SSBP3: variants seen among roughly 807,000 people sequenced by gnomAD.
SSBP3 encodes single stranded DNA binding protein 3.
SSBP3 carries 5 observed loss-of-function variants against 69.6 expected under a neutral mutation model. The observed-to-expected ratio is 0.07, with a 90% CI of 0.04 to 0.15. The LOEUF (loss-of-function observed/expected upper bound fraction) is 0.15. Among genes scored for constraint, SSBP3 ranks in the 10% least tolerant of loss-of-function variants. The probability of loss-of-function intolerance (pLI) is 1.00; values close to 1 mark genes in which losing one functional copy is unlikely to be tolerated. For missense variants in SSBP3, 312 were observed against 534.0 expected (o/e 0.58, Z 4.10); for synonymous variants, 196 against 193.4 (o/e 1.01, Z -0.11).
intron 4 of SSBP3, among the ~76,000 whole-genome samples, chr1:54,371,106 C>T (rs376280780): frequency 9.9e-5 from 15 of 152,280 alleles, no homozygotes; most frequent in South Asian, 2.1e-4. Context: ...TGAAGGGCCA[C>T]GAGAAAGGTC....
chr1:54,240,087 T>TGTGCGCGC (rs1159547661), intron 13 of SSBP3, among the ~76,000 whole-genome samples: 2 of 42,342 alleles, frequency 4.7e-5, no homozygotes, highest in Admixed American at 2.5e-4. Flanking sequence ...TGTGTGTGTG[T>TGTGCGCGC]GCGCGCGCGC....
chr1:54,312,936 C>T (rs1300056152), intron 4 of SSBP3, among the ~76,000 whole-genome samples: 2 of 151,580 alleles, frequency 1.3e-5, no homozygotes, highest in Admixed American at 1.3e-4. Context: ...GGAGGGAGGC[C>T]AGGAGGGGGT....
intron 4 of SSBP3, among the ~76,000 whole-genome samples, chr1:54,327,217 AAAGGAAGGAAGG>A (rs55892071): frequency 0.038 from 5,141 of 134,124 alleles, 115 homozygotes; most frequent in Middle Eastern, 0.044. Flanking sequence ...AAGAGAGGGA[AAAGGAAGGAAGG>A]AAGGAAGGAA....
Position 54,346,818 on chromosome 1 carries a change from G to GA in SSBP3, c.276+55042dup, listed in dbSNP as rs113297349. Among the ~76,000 whole-genome samples the GA allele has an allele frequency of 8.6e-3, 1,142 of 133,384 alleles. 2 individuals are homozygous for GA. The highest frequency in any genetic ancestry group is 0.022 in the African/African-American group (797 of 36,346). The allele number at this position is 133,384 out of a possible 152,430, so 87.5% of individuals were successfully genotyped here. ...CAATAGAGTGAGACTCCATCTCAAG[G>GA]AAAAAAAAAAAAAAATAGAAATACA... On this transcript the variant is annotated intron_variant, in intron 4 of 17. Coordinates refer to ENST00000610401, the Ensembl canonical transcript of SSBP3.
At chr1:54,259,182 G>A (rs1644975483) in intron 5 of SSBP3, among the ~76,000 whole-genome samples, 1 of 150,286 alleles carries the variant, frequency 6.7e-6, no homozygotes, top group Admixed American at 6.7e-5. Context: ...CGCCCCAGAA[G>A]ACATGGGCAG....
At chr1:54,234,158 TA>T (rs953848940) in intron 14 of SSBP3, among the ~76,000 whole-genome samples, 2 of 151,392 alleles carry the variant, frequency 1.3e-5, no homozygotes, top group Admixed American at 1.3e-4. Flanking sequence ...GCATGCTCGT[TA>T]AGAGTCGTCA....
chr1:54,229,998 G>A (rs998234766), intron 14 of SSBP3, among the ~76,000 whole-genome samples: 1 of 152,230 alleles, frequency 6.6e-6, no homozygotes, highest in Non-Finnish European at 1.5e-5. Flanking sequence ...ACAAAATTGA[G>A]GGGTAAAATC....
At chr1:54,382,081 CT>C (rs1388129991) in intron 4 of SSBP3, among the ~76,000 whole-genome samples, 2 of 152,206 alleles carry the variant, frequency 1.3e-5, no homozygotes, top group African/African-American at 2.4e-5. Context: ...GTAATCCCAG[CT>C]TCTCTGGAGG....
In SSBP3 at chr1:54,242,355, A is replaced by C. The variant is rs1002951627; in HGVS notation, c.717-143T>G. On this transcript the variant is annotated intron_variant, in intron 10 of 17. Coordinates refer to ENST00000610401, the Ensembl canonical transcript of SSBP3. ...CCTGCGGTTTAGAGCCTTCTGGCTC[A>C]GGGCAGTAATGGGTAACTTCATGGG... 3 of 844,852 alleles carry C rather than the reference A, an allele frequency of 3.6e-6. No individual in the cohort carries two copies. The African/African-American group carries it at 5.1e-5, about 14-fold the overall frequency. The allele number at this position is 844,852 out of a possible 1,614,324, so 52.3% of individuals were successfully genotyped here. A position where few individuals can be genotyped will look rare whatever the true frequency, so the allele number is the denominator to read the frequency against.
exon 18 of SSBP3, chr1:54,225,569 C>G: frequency 1.9e-6 from 1 of 516,394 alleles, no homozygotes; most frequent in Admixed American, 4.6e-5. Flanking sequence ...GAAACAGCTA[C>G]AATGTTCCCA....
intron 4 of SSBP3, among the ~76,000 whole-genome samples, chr1:54,355,090 G>C (rs781614643): frequency 5.3e-5 from 8 of 152,186 alleles, no homozygotes; most frequent in Non-Finnish European, 1.2e-4. Flanking sequence ...TCACACAATG[G>C]GAGGCTCTCA....
intron 4 of SSBP3, among the ~76,000 whole-genome samples, chr1:54,367,291 G>A (rs1048142550): frequency 2.6e-5 from 4 of 152,154 alleles, no homozygotes; most frequent in South Asian, 4.1e-4. Context: ...ACCAGCCATC[G>A]TTTTGGAGTC....
intron 3 of SSBP3, among the ~76,000 whole-genome samples, chr1:54,404,179 G>C (rs1041793841): frequency 4.6e-5 from 7 of 151,712 alleles, no homozygotes; most frequent in African/African-American, 1.7e-4. Context: ...AGGAGAAAAA[G>C]GAAGGGACAG....
exon 1 of SSBP3, chr1:54,406,065 G>GCCGC: frequency 2.0e-5 from 27 of 1,382,828 alleles, no homozygotes; most frequent in Non-Finnish European, 2.5e-5. Flanking sequence ...CGCCGCTACC[G>GCCGC]CTCCGGCTCT....
chr1:54,267,454 C>A (rs546290388), intron 5 of SSBP3, among the ~76,000 whole-genome samples: 1 of 152,204 alleles, frequency 6.6e-6, no homozygotes, highest in African/African-American at 2.4e-5. Context: ...CAGGGTGCAA[C>A]ACTTTAATAG....
chr1:54,300,585 G>C (rs1304266745), intron 4 of SSBP3, among the ~76,000 whole-genome samples: 1 of 152,108 alleles, frequency 6.6e-6, no homozygotes, highest in Non-Finnish European at 1.5e-5. Flanking sequence ...AGAAAGGAAG[G>C]ATTATTTCTG....
intron 4 of SSBP3, among the ~76,000 whole-genome samples, chr1:54,390,837 G>C (rs1400219190): frequency 6.6e-6 from 1 of 152,244 alleles, no homozygotes; most frequent in Admixed American, 6.5e-5. Context: ...CAGGCGGGCA[G>C]CGCTGCCAAG....
chr1:54,406,050 G>GCCGCCA (rs1380228300), exon 1 of SSBP3: 3 of 1,420,686 alleles, frequency 2.1e-6, no homozygotes, highest in South Asian at 1.3e-5. Flanking sequence ...CGCCGCCGCC[G>GCCGCCA]CCGCCGCCGC....
At chr1:54,307,984 T>C (rs939232941) in intron 4 of SSBP3, among the ~76,000 whole-genome samples, 1 of 152,226 alleles carries the variant, frequency 6.6e-6, no homozygotes, top group Non-Finnish European at 1.5e-5. Flanking sequence ...CTTTGTACTG[T>C]GAACTCGCCC....
Sources: gnomAD v4.1 joint callset for allele counts (sites outside exome capture counted in the v4.1 genomes callset) on GRCh38, gnomAD v4.1.1 for gene constraint, MANE v1.5 for transcripts, NCBI Gene and HGNC (gene_info 2026-07-23, HGNC 2026-07-21) for gene names.